Variants in TBC1D12 observed in about 807,000 individuals in gnomAD.
TBC1D12 encodes the protein TBC1 domain family member 12.
A neutral mutation model predicts 86.7 loss-of-function variants in TBC1D12; 56 were observed. That is an observed-to-expected ratio of 0.65 (90% CI 0.52 to 0.81). The LOEUF (loss-of-function observed/expected upper bound fraction) is 0.81, where lower values mean the gene tolerates loss of function less well. TBC1D12 is among the 30% of genes least tolerant of loss of function. TBC1D12 has a pLI of 0.00. For synonymous variants in TBC1D12, 421 were observed against 411.7 expected (o/e 1.02, Z -0.27); for missense variants, 1,023 against 1,038.8 (o/e 0.98, Z 0.21).
chr10:94,477,525 A>C (rs2056009575), intron 3 of TBC1D12, among the ~76,000 whole-genome samples: 1 of 152,228 alleles, frequency 6.6e-6, no homozygotes, highest in South Asian at 2.1e-4. Context: ...CCTGAGTACT[A>C]AAGTGGAACT....
chr10:94,447,121 T>G (rs932218538), intron 2 of TBC1D12, among the ~76,000 whole-genome samples: 3 of 151,898 alleles, frequency 2.0e-5, no homozygotes, highest in African/African-American at 7.2e-5. Context: ...CATGATTATA[T>G]TCTCTTTATA....
chr10:94,471,086 G>A (rs2055898433), intron 2 of TBC1D12, among the ~76,000 whole-genome samples: 1 of 152,014 alleles, frequency 6.6e-6, no homozygotes, highest in African/African-American at 2.4e-5. Flanking sequence ...GGCCAGCCTG[G>A]CCAGCATGGT....
Position 94,533,302 on chromosome 10 carries a change from A to G in TBC1D12, c.*206A>G, listed in dbSNP as rs1003713307. On this transcript the variant is annotated 3_prime_UTR_variant, in exon 13 of 13. Transcript: ENST00000225235. ...ATTAATAAACTATTATTTTGTAGGT[A>G]GAGTCATTTTTCAAAGGAAAAAGTT... 4 of 348,906 alleles carry G rather than the reference A, an allele frequency of 1.1e-5. No homozygotes were observed. The highest frequency in any genetic ancestry group is 2.1e-5 in the African/African-American group (1 of 47,026). The allele number at this position is 348,906 out of a possible 1,614,324, so 21.6% of individuals were successfully genotyped here.
chr10:94,496,965 A>G, intron 4 of TBC1D12, 90 bp from the exon 5 acceptor site: 1 of 632,918 alleles, frequency 1.6e-6, no homozygotes, highest in Middle Eastern at 4.3e-4. Flanking sequence ...TCTTTTTGAG[A>G]AAGTCTATTT....
At chr10:94,422,572 C>G (rs889893986) in intron 1 of TBC1D12, among the ~76,000 whole-genome samples, 1 of 151,848 alleles carries the variant, frequency 6.6e-6, no homozygotes, top group Non-Finnish European at 1.5e-5. Context: ...TATCAGGAAA[C>G]AGTTTGTTTA....
At chr10:94,408,491 A>G (rs1382084051) in intron 1 of TBC1D12, among the ~76,000 whole-genome samples, 1 of 152,162 alleles carries the variant, frequency 6.6e-6, no homozygotes, top group Non-Finnish European at 1.5e-5. Flanking sequence ...ATGAAAACCA[A>G]TGAAGTTTTT....
At chr10:94,493,075 T>C (rs940351308) in intron 3 of TBC1D12, among the ~76,000 whole-genome samples, 3 of 151,882 alleles carry the variant, frequency 2.0e-5, no homozygotes, top group African/African-American at 7.3e-5. Flanking sequence ...CTGAGCAACA[T>C]AGTGAGACCC....
intron 1 of TBC1D12, among the ~76,000 whole-genome samples, chr10:94,417,343 A>C (rs757398447): frequency 6.6e-5 from 10 of 152,228 alleles, no homozygotes; most frequent in Non-Finnish European, 1.2e-4. Context: ...GTGGTTAATA[A>C]GTTGAGTGAG....
In TBC1D12 at chr10:94,486,136, C is replaced by CTT. The variant is rs760373766; in HGVS notation, c.1212-7228_1212-7227dup. On this transcript the variant is annotated intron_variant, in intron 3 of 12. Coordinates refer to ENST00000225235, the MANE Select transcript of TBC1D12 (RefSeq NM_015188.2). ...GCTCTTTTTCTTTTTTCTTCTTCTT[C>CTT]TTCTTTTTTTTTTTTTTTTTTGTTA... Among the ~76,000 whole-genome samples the CTT allele has an allele frequency of 4.3e-3, 517 of 120,680 alleles. 13 individuals carry two copies. The highest frequency in any genetic ancestry group is 7.5e-3 in the South Asian group (25 of 3,314). 79.2% of individuals were successfully genotyped at this position (120,680 alleles called of 152,430 possible). A position where few individuals can be genotyped will look rare whatever the true frequency, so the allele number is the denominator to read the frequency against.
intron 1 of TBC1D12, among the ~76,000 whole-genome samples, chr10:94,407,702 G>A (rs1030550702): frequency 6.0e-5 from 9 of 150,676 alleles, no homozygotes; most frequent in African/African-American, 2.2e-4. Context: ...TGAAATGCTA[G>A]ATGGGTACCA....
chr10:94,478,647 T>C (rs577083321), intron 3 of TBC1D12, among the ~76,000 whole-genome samples: 39 of 152,328 alleles, frequency 2.6e-4, no homozygotes, highest in Non-Finnish European at 4.9e-4. Flanking sequence ...CTTAATCATA[T>C]ACCAATAAAT....
rs961695965 is a variant in TBC1D12, at chr10:94,536,269, T to C, written c.*3173T>C. Among the ~76,000 whole-genome samples, 1 of 152,160 alleles carries C rather than the reference T, an allele frequency of 6.6e-6. No homozygotes were observed. The highest frequency in any genetic ancestry group is 2.4e-5 in the African/African-American group (1 of 41,462). On this transcript the variant is annotated 3_prime_UTR_variant, in exon 13 of 13. Transcript: ENST00000225235. ...TATGGTGTTTCATTTGTTTGTCTAC[T>C]CAATATATATATTTCTTACTTAATG...
chr10:94,403,168 G>A lies in TBC1D12; in HGVS notation c.555G>A (p.Ala185=), dbSNP rs1049379530. Residue 185 remains alanine (A), a synonymous_variant, in exon 1 of 13, where the codon GCG becomes GCA. Transcript: ENST00000225235. ...EGPGDEDADG[A]GSPSDWASPL... ...CTGGCGACGAGGACGCGGACGGCGC[G>A]GGAAGCCCGTCCGATTGGGCCTCTC... The A allele has an allele frequency of 1.1e-5, 16 of 1,454,778 alleles. No homozygotes were observed. Among genetic ancestry groups the A allele is most frequent in the Admixed American group, 2.9e-5 (1 of 34,598 alleles). 90.1% of individuals were successfully genotyped at this position (1,454,778 alleles called of 1,614,324 possible).
At chr10:94,489,569 G>C (rs1216173159) in intron 3 of TBC1D12, among the ~76,000 whole-genome samples, 1 of 152,180 alleles carries the variant, frequency 6.6e-6, no homozygotes, top group Non-Finnish European at 1.5e-5. Flanking sequence ...AACTGGTGCA[G>C]GCTTCTATTC....
chr10:94,410,005 A>G (rs2054909463), intron 1 of TBC1D12, among the ~76,000 whole-genome samples: 1 of 152,120 alleles, frequency 6.6e-6, no homozygotes. Context: ...ATTTTGACTA[A>G]AAGGTTTTTA....
At chr10:94,488,639 G>A (rs546402713) in intron 3 of TBC1D12, among the ~76,000 whole-genome samples, 3 of 151,624 alleles carry the variant, frequency 2.0e-5, no homozygotes, top group African/African-American at 4.8e-5. Flanking sequence ...TGATTTGCCC[G>A]CTTCCACCTT....
chr10:94,454,711 A>G (rs2055599725), intron 2 of TBC1D12, among the ~76,000 whole-genome samples: 1 of 152,146 alleles, frequency 6.6e-6, no homozygotes, highest in Non-Finnish European at 1.5e-5. Flanking sequence ...TAAGAAAGTG[A>G]TTGACTTTTG....
intron 3 of TBC1D12, among the ~76,000 whole-genome samples, chr10:94,483,661 T>C (rs1225284764): frequency 1.3e-5 from 2 of 152,204 alleles, no homozygotes; most frequent in African/African-American, 2.4e-5. Flanking sequence ...ATTCTAGTTA[T>C]TATATTAATC....
intron 5 of TBC1D12, among the ~76,000 whole-genome samples, chr10:94,498,192 G>A (rs1195122643): frequency 6.6e-6 from 1 of 151,912 alleles, no homozygotes; most frequent in Non-Finnish European, 1.5e-5. Flanking sequence ...GCAGTTATTT[G>A]GAAAGAGAAT....
Sources: allele counts gnomAD v4.1 joint callset (sites outside exome capture counted in the v4.1 genomes callset), GRCh38; gene constraint gnomAD v4.1.1; transcripts MANE v1.5; gene names NCBI Gene and HGNC (gene_info 2026-07-23, HGNC 2026-07-21).